CSAD: variants seen among roughly 807,000 people sequenced by gnomAD.
The protein encoded by CSAD is cysteine sulfinic acid decarboxylase.
In CSAD, 47 loss-of-function variants were observed where a neutral mutation model predicts 61.5. The observed-to-expected ratio is 0.76, with a 90% confidence interval of 0.60 to 0.97. CSAD has a LOEUF of 0.97. Ranked by LOEUF, CSAD falls within the 50% of genes least tolerant of loss-of-function variation. The probability of loss-of-function intolerance (pLI) is 0.00; values close to 1 mark genes in which losing one functional copy is unlikely to be tolerated. For missense variants in CSAD, 611 were observed against 643.6 expected (o/e 0.95, Z 0.55); for synonymous variants, 245 against 252.7 (o/e 0.97, Z 0.29).
At position 53,159,597 on chromosome 12, in the gene CSAD, TAA is replaced by T. The variant is rs1284892614; in HGVS notation, c.1308+24_1308+25del. On this transcript the variant is annotated intron_variant, in intron 16 of 16. Coordinates refer to ENST00000444623, the MANE Select transcript of CSAD (RefSeq NM_001244705.2). ...TCAGTTGCATCAGCTCCCTAACGGG[TAA>T]AGAGAGCAGCACAGCACGCCTACCT... 4 of 1,592,568 alleles carry T rather than the reference TAA, an allele frequency of 2.5e-6. No homozygotes were observed. The African/African-American group carries it at 5.4e-5, about 21-fold the overall frequency.
chr12:53,178,231 A>G (rs1941252818), intron 2 of CSAD: 1 of 386,690 alleles, frequency 2.6e-6, no homozygotes, highest in Non-Finnish European at 5.1e-6. Context: ...CTAGCACTCT[A>G]GGAGGCCGAG....
Position 53,172,636 on chromosome 12 carries a change from T to C in CSAD, c.139A>G (p.Lys47Glu). Residue 47 changes from lysine (K) to glutamate (E), a missense_variant, in exon 5 of 17, where the codon AAG (lysine) becomes GAG (glutamate). Transcript: ENST00000444623. ...TSVSQKVCEWKEPEELKQLLD... is the reference protein window; with the variant it reads ...TSVSQKVCEWEEPEELKQLLD... ...AGCTGCTTCAGCTCCTCAGGCTCCTTCCACTCACAGACCTAGGAAGAGAGC... is the reference window on the plus strand; with the variant it reads ...AGCTGCTTCAGCTCCTCAGGCTCCTCCCACTCACAGACCTAGGAAGAGAGC... 1 of 1,607,320 alleles carries C rather than the reference T, an allele frequency of 6.2e-7. No individual in the cohort carries two copies. The highest frequency in any genetic ancestry group is 8.5e-7 in the Non-Finnish European group (1 of 1,177,800).
At chr12:53,170,762 C>T (rs1187909580) in intron 8 of CSAD, 4 of 478,434 alleles carry the variant, frequency 8.4e-6, no homozygotes, top group Non-Finnish European at 1.1e-5. Context: ...CCTCTGTCAC[C>T]CAGGCTGGAG....
chr12:53,172,841 G>A (rs1940747536), intron 4 of CSAD, among the ~76,000 whole-genome samples, 193 bp from the exon 5 acceptor site: 1 of 152,172 alleles, frequency 6.6e-6, no homozygotes, highest in South Asian at 2.1e-4. Context: ...GAGGTACCCA[G>A]GGGGGCAGGG....
chr12:53,158,531 G>T lies in CSAD; in HGVS notation c.1462C>A (p.Arg488=). 1 of 1,613,234 alleles carries T rather than the reference G, an allele frequency of 6.2e-7. No homozygotes were observed. The highest frequency in any genetic ancestry group is 8.5e-7 in the Non-Finnish European group (1 of 1,179,850). ...AAGGCTCACAGGTCCTGGCCTAGCC[G>T]CTCCAGCTCGTTGAGGAGGAAGTCC... is the stretch of plus-strand genomic sequence containing the variant. The part of the protein sequence containing the change: ...DMDFLLNELE[R]LGQDL The change falls in exon 17 of 17, where the codon CGG becomes AGG. Residue 488 remains arginine, a synonymous_variant. Coordinates refer to ENST00000444623, the MANE Select transcript of CSAD (RefSeq NM_001244705.2).
chr12:53,180,453 C>G, intron 1 of CSAD: 1 of 1,187,846 alleles, frequency 8.4e-7, no homozygotes, highest in Non-Finnish European at 1.1e-6. Context: ...ATCGAAGGGC[C>G]GAGGGTCCTG....
intron 3 of CSAD, 120 bp from the exon 4 acceptor site, chr12:53,173,596 C>G (rs183637207): frequency 1.3e-6 from 2 of 1,561,686 alleles, no homozygotes; most frequent in African/African-American, 2.7e-5. Flanking sequence ...TCTCGGCCTC[C>G]AGTGCACAGA....
chr12:53,159,039 T>G (rs1565643592), intron 16 of CSAD, among the ~76,000 whole-genome samples: 1 of 152,202 alleles, frequency 6.6e-6, no homozygotes, highest in Non-Finnish European at 1.5e-5. Flanking sequence ...CTCCCCTCTC[T>G]TAATTCCTGT....
chr12:53,181,105 C>G, upstream of CSAD: 1 of 950,566 alleles, frequency 1.1e-6, no homozygotes, highest in Non-Finnish European at 1.3e-6. Context: ...TCTCGGCACT[C>G]TCCGGCTCTG....
chr12:53,178,191 G>A (rs902425769), intron 2 of CSAD, among the ~76,000 whole-genome samples: 1 of 151,912 alleles, frequency 6.6e-6, no homozygotes, highest in African/African-American at 2.4e-5. Flanking sequence ...TTACATATCC[G>A]GCCAGGCATG....
chr12:53,181,046 G>C (rs1284308680), upstream of CSAD: 10 of 887,952 alleles, frequency 1.1e-5, no homozygotes, highest in Non-Finnish European at 1.4e-5. Flanking sequence ...CCCGGCCCGG[G>C]AGAGGGCTCT....
intron 14 of CSAD, 40 bp downstream of exon 14, chr12:53,160,080 A>G: frequency 6.2e-7 from 1 of 1,609,180 alleles, no homozygotes; most frequent in Non-Finnish European, 8.5e-7. Flanking sequence ...TGGACCCAGG[A>G]GAGGGGAACA....
Position 53,160,148 on chromosome 12 carries a change from G to A in CSAD, c.1138C>T (p.Arg380Cys), listed in dbSNP as rs550116116. The change falls in exon 14 of 17, where the codon CGC (arginine) becomes TGC (cysteine). Residue 380 changes from arginine to cysteine, a missense_variant. Arg to Cys is a radical substitution (Grantham distance 180). Coordinates refer to ENST00000444623, the MANE Select transcript of CSAD (RefSeq NM_001244705.2). ...KAQGDQGLERRIDQAFVLARY... is the reference protein window; with the variant it reads ...KAQGDQGLERCIDQAFVLARY... ...GCAAGGACAAAGGCCTGGTCGATGC[G>A]CCGCTCCAGCCCTTGATCGCCCTGT... 3.7e-6 allele frequency: 6 copies of A among 1,613,464 alleles called. No individual in the cohort carries two copies. Among genetic ancestry groups the A allele is most frequent in the South Asian group, 3.3e-5 (3 of 91,086 alleles).
intron 13 of CSAD, among the ~76,000 whole-genome samples, 157 bp from the exon 14 acceptor site, chr12:53,160,476 T>C (rs1455720428): frequency 2.0e-5 from 3 of 152,174 alleles, no homozygotes; most frequent in Non-Finnish European, 4.4e-5. Context: ...ACACCTTTCT[T>C]TGGGTTTCCT....
At position 53,173,436 on chromosome 12, in the gene CSAD, C is replaced by T. The variant is rs1201476599; in HGVS notation, c.35G>A (p.Gly12Glu). Residue 12 changes from glycine (G) to glutamate (E), a missense_variant, in exon 4 of 17, where the codon GGG (glycine) becomes GAG (glutamate). Gly to Glu is a moderately conservative substitution (Grantham distance 98). Transcript: ENST00000444623. ...ADSEALPSLAGDPVAVEALLR... is the reference protein window; with the variant it reads ...ADSEALPSLAEDPVAVEALLR... The stretch of plus-strand genomic sequence containing the variant: ...CAAGGCTTCCACAGCCACTGGGTCC[C>T]CAGCAAGGGAGGGGAGTGCTTCTGA... The T allele has an allele frequency of 4.3e-6, 7 of 1,614,090 alleles. No individual in the cohort carries two copies. The highest frequency in any genetic ancestry group is 5.1e-6 in the Non-Finnish European group (6 of 1,180,046).
chr12:53,177,986 C>A, intron 2 of CSAD: 1 of 168,210 alleles, frequency 5.9e-6, no homozygotes, highest in Admixed American at 6.2e-5. Flanking sequence ...AGAATATTAA[C>A]TTCACTATTA....
intron 2 of CSAD, among the ~76,000 whole-genome samples, chr12:53,176,407 T>C (rs1324610336): frequency 7.6e-6 from 1 of 131,624 alleles, no homozygotes; most frequent in African/African-American, 2.9e-5. Flanking sequence ...CAAAATTCCA[T>C]CTCAAAAAAA....
chr12:53,159,757 A>ACCGTTTTCCCTCTCCCTGC, intron 15 of CSAD, 45 bp from the exon 16 acceptor site: 1 of 1,555,674 alleles, frequency 6.4e-7, no homozygotes, highest in Non-Finnish European at 8.8e-7. Context: ...AGAAAGGGGG[A>ACCGTTTTCCCTCTCCCTGC]CCGTTTTCCC....
In CSAD at chr12:53,158,562, A is replaced by C. The variant is rs768298379; in HGVS notation, c.1431T>G (p.Ala477=). Residue 477 remains alanine, a synonymous_variant, in exon 17 of 17, where the codon GCT becomes GCG. Transcript: ENST00000444623. ...VVVANSALTC[A]DMDFLLNELE... is the part of the protein sequence containing the mutation. ...GCTCGTTGAGGAGGAAGTCCATATC[A>C]GCACAGGTCAGTGCAGAGTTGGCCA... 2.2e-5 allele frequency: 35 copies of C among 1,613,278 alleles called. No individual in the cohort carries two copies. The highest frequency in any genetic ancestry group is 2.7e-5 in the Non-Finnish European group (32 of 1,180,014).
Sources: allele counts gnomAD v4.1 joint callset (sites outside exome capture counted in the v4.1 genomes callset), GRCh38; gene constraint gnomAD v4.1.1; transcripts MANE v1.5; gene names NCBI Gene and HGNC (gene_info 2026-07-23, HGNC 2026-07-21).